POLGARF: variants seen among roughly 807,000 people sequenced by gnomAD.
POLGARF encodes the protein POLG alternative reading frame.
At chr15:89,332,615 G>A in the POLGARF span, among the ~76,000 whole-genome samples, 2 of 151,120 alleles carry the variant, frequency 1.3e-5, no homozygotes, top group African/African-American at 4.9e-5. Context: ...CAGGGGGGCG[G>A]GGGGGTGTTG....
At chr15:89,330,318 T>A in the POLGARF span, 1 of 1,488,292 alleles carries the variant, frequency 6.7e-7, no homozygotes, top group Non-Finnish European at 9.2e-7. Flanking sequence ...ATGGAGACAT[T>A]AAACTTCCAC....
chr15:89,330,709 G>A, the POLGARF span, among the ~76,000 whole-genome samples: 3 of 151,150 alleles, frequency 2.0e-5, no homozygotes, highest in African/African-American at 7.3e-5. Flanking sequence ...CAGAACCCAA[G>A]GTGGAGATTT....
At chr15:89,333,518 G>C in the POLGARF span, 3 of 1,612,728 alleles carry the variant, frequency 1.9e-6, no homozygotes, top group African/African-American at 4.0e-5. Flanking sequence ...GCCCTCTCGA[G>C]AGCATCTGGA....
the POLGARF span, chr15:89,333,214 CG>C: frequency 6.3e-7 from 1 of 1,576,538 alleles, no homozygotes; most frequent in Non-Finnish European, 8.6e-7. Flanking sequence ...GCCTCCCCCT[CG>C]GGGCCGTACC....
At chr15:89,333,315 C>A in the POLGARF span, 4 of 1,557,304 alleles carry the variant, frequency 2.6e-6, no homozygotes, top group South Asian at 4.6e-5. Context: ...GTAGGGCAGG[C>A]TCTGCTTCTG....
the POLGARF span, among the ~76,000 whole-genome samples, chr15:89,331,524 A>G: frequency 6.6e-6 from 1 of 152,240 alleles, no homozygotes; most frequent in Non-Finnish European, 1.5e-5. Context: ...GATCCATGCC[A>G]TTAATACTAG....
the POLGARF span, chr15:89,333,707 T>G: frequency 1.3e-6 from 2 of 1,538,874 alleles, no homozygotes; most frequent in Non-Finnish European, 8.7e-7. Context: ...GAACCGGCCC[T>G]GGCCCGACGG....
chr15:89,331,684 G>C, the POLGARF span, among the ~76,000 whole-genome samples: 2 of 152,158 alleles, frequency 1.3e-5, no homozygotes, highest in Non-Finnish European at 1.5e-5. Flanking sequence ...GTAAATTGTG[G>C]GCTGGTCAGG....
At chr15:89,332,602 G>A in the POLGARF span, among the ~76,000 whole-genome samples, 1 of 149,404 alleles carries the variant, frequency 6.7e-6, no homozygotes, top group South Asian at 2.2e-4. Flanking sequence ...TTGCCGGCGG[G>A]GGCAGGGGGG....
the POLGARF span, chr15:89,333,541 T>A: frequency 1.2e-6 from 2 of 1,612,776 alleles, no homozygotes; most frequent in East Asian, 4.5e-5. Flanking sequence ...TCCAATGGGT[T>A]GTGCCGCAGC....
the POLGARF span, chr15:89,333,080 C>G: frequency 2.0e-6 from 3 of 1,510,260 alleles, no homozygotes; most frequent in Admixed American, 2.3e-5. Context: ...ATGTCCCCAA[C>G]CCTGCCCCTA....
the POLGARF span, among the ~76,000 whole-genome samples, chr15:89,332,712 A>G: frequency 1.3e-5 from 2 of 152,124 alleles, no homozygotes; most frequent in East Asian, 3.9e-4. Flanking sequence ...CTACCGCCCA[A>G]AATAATTAAT....
At chr15:89,330,888 T>C in the POLGARF span, among the ~76,000 whole-genome samples, 2 of 148,672 alleles carry the variant, frequency 1.3e-5, no homozygotes, top group Non-Finnish European at 3.0e-5. Flanking sequence ...AGAAAATGTA[T>C]GTGTATGTGA....
the POLGARF span, chr15:89,330,298 C>G: frequency 3.1e-6 from 5 of 1,591,004 alleles, no homozygotes; most frequent in Non-Finnish European, 3.4e-6. Flanking sequence ...GAGAGGCAGG[C>G]AGGTTCACCA....
the POLGARF span, among the ~76,000 whole-genome samples, chr15:89,332,581 G>A: frequency 7.4e-6 from 1 of 134,474 alleles, no homozygotes; most frequent in Admixed American, 8.1e-5. Flanking sequence ...TCAAGGGGGC[G>A]TCTGGAAACG....
chr15:89,331,409 A>G, the POLGARF span, among the ~76,000 whole-genome samples: 2 of 152,238 alleles, frequency 1.3e-5, no homozygotes, highest in South Asian at 4.1e-4. Context: ...CTTTGGTTAC[A>G]GTAAAAAGCC....
chr15:89,333,188 G>A, the POLGARF span: 2 of 1,569,712 alleles, frequency 1.3e-6, no homozygotes, highest in African/African-American at 1.4e-5. Context: ...GCTCCTCGGG[G>A]ATGGCCACGG....
chr15:89,333,349 C>A, the POLGARF span: 1 of 1,568,948 alleles, frequency 6.4e-7, no homozygotes, highest in South Asian at 1.1e-5. Context: ...AAGTGCTGGT[C>A]CAGGTTGTCC....
chr15:89,332,475 G>C, the POLGARF span: 1 of 152,184 alleles, frequency 6.6e-6, no homozygotes, highest in Non-Finnish European at 1.5e-5. Flanking sequence ...AGAAAAGAGA[G>C]ATTGGATATA....
Sources: allele counts gnomAD v4.1 joint callset (sites outside exome capture counted in the v4.1 genomes callset), GRCh38; gene constraint gnomAD v4.1.1; transcripts MANE v1.5; gene names NCBI Gene and HGNC (gene_info 2026-07-23, HGNC 2026-07-21).